SRC: variants seen among roughly 807,000 people sequenced by gnomAD.
SRC encodes SRC proto-oncogene, non-receptor tyrosine kinase.
SRC carries 13 observed loss-of-function variants against 62.9 expected under a neutral mutation model. The ratio of observed to expected loss-of-function variants is 0.21; its 90% confidence interval spans 0.13 to 0.33. The LOEUF (loss-of-function observed/expected upper bound fraction) is 0.33. Ranked by LOEUF, SRC falls within the 10% of genes least tolerant of loss-of-function variation. The pLI is 1.00. For missense variants in SRC, 457 were observed against 737.3 expected (o/e 0.62, Z 4.40); for synonymous variants, 302 against 317.5 (o/e 0.95, Z 0.52).
chr20:37,399,419 T>C (rs773346657), intron 9 of SRC, among the ~76,000 whole-genome samples: 3 of 152,158 alleles, frequency 2.0e-5, no homozygotes, highest in Non-Finnish European at 4.4e-5. Flanking sequence ...CAGTACACAT[T>C]GCATTTGCTA....
At chr20:37,358,944 C>T (rs2069925745) in intron 1 of SRC, among the ~76,000 whole-genome samples, 1 of 152,276 alleles carries the variant, frequency 6.6e-6, no homozygotes, top group Non-Finnish European at 1.5e-5. Context: ...GCTGCCCTGG[C>T]ACGCGCACGG....
Position 37,403,932 on chromosome 20 carries a change from C to T in SRC, c.*553C>T. The T allele has an allele frequency of 8.3e-6, 2 of 240,514 alleles. No homozygotes were observed. Among genetic ancestry groups the T allele is most frequent in the Non-Finnish European group, 1.6e-5 (2 of 121,444 alleles). 14.9% of individuals were successfully genotyped at this position (240,514 alleles called of 1,614,324 possible). On this transcript the variant is annotated 3_prime_UTR_variant, in exon 14 of 14. Coordinates refer to ENST00000373578, the MANE Select transcript of SRC (RefSeq NM_198291.3). This position sits in a 1 kb window ranked among gnomAD's most constrained non-coding sequence, Gnocchi z 7.1. ...TGCTTCCAGGCTGGGCAGCACAAGG[C>T]CTTGCCTGGCCTGATGATGGTGGGT...
chr20:37,377,419 G>C (rs571129301), intron 2 of SRC, among the ~76,000 whole-genome samples: 3 of 152,304 alleles, frequency 2.0e-5, no homozygotes, highest in Admixed American at 6.5e-5. Flanking sequence ...TAAGCTCCTG[G>C]CCTACTCTCC....
chr20:37,349,094 C>T (rs6017943), intron 1 of SRC, among the ~76,000 whole-genome samples: 37,891 of 152,038 alleles, frequency 0.25, 5,189 homozygotes, highest in Middle Eastern at 0.35. Context: ...GGGGGCTGAT[C>T]GGTGTCCCCT....
rs2070820015 is a variant in SRC, at chr20:37,405,839, A to T, written c.*2460A>T. The T allele has an allele frequency of 1.3e-5, 2 of 152,230 alleles. No homozygotes were observed. Among genetic ancestry groups the T allele is most frequent in the South Asian group, 4.1e-4 (2 of 4,832 alleles). The allele number at this position is 152,230 out of a possible 1,614,324, so 9.4% of individuals were successfully genotyped here. A position where few individuals can be genotyped will look rare whatever the true frequency, so the allele number is the denominator to read the frequency against. On this transcript the variant is annotated 3_prime_UTR_variant, in exon 14 of 14. Coordinates refer to ENST00000373578, the MANE Select transcript of SRC (RefSeq NM_198291.3). ...GGGCAGGGGTGCTGGGTCGATCCAC[A>T]AAAGTCCTGAAAACGCTGAAGAAAA...
At chr20:37,368,518 CTTTTTTTTTTTTTTTTTTTTTTTTTGTTT>C (rs2070104479) in intron 2 of SRC, among the ~76,000 whole-genome samples, 15 of 73,918 alleles carry the variant, frequency 2.0e-4, no homozygotes, top group East Asian at 9.4e-4. Flanking sequence ...CCTATATTTT[CTTTTTTTTTTTTTTTTTTTTTTTTTGTTT>C]TTTTTTTTTT....
rs191582195 is a variant in SRC, at chr20:37,387,656, G to C, written c.350+1482G>C. On this transcript the variant is annotated intron_variant, in intron 5 of 13. Coordinates refer to ENST00000373578, the MANE Select transcript of SRC (RefSeq NM_198291.3). Reference sequence around the variant, plus strand: ...TTATTGTCACCAGCTGTTTGTGTCTGCTTCCCCCCTAAACTGGGAGCTGCT... The same window carrying C: ...TTATTGTCACCAGCTGTTTGTGTCTCCTTCCCCCCTAAACTGGGAGCTGCT... Among the ~76,000 whole-genome samples, 10 of 152,312 alleles carry C rather than the reference G, an allele frequency of 6.6e-5. 2 individuals are homozygous for C. The highest frequency in any genetic ancestry group is 2.4e-4 in the African/African-American group (10 of 41,554).
At chr20:37,390,046 A>G (rs2070521045) in intron 5 of SRC, among the ~76,000 whole-genome samples, 1 of 152,138 alleles carries the variant, frequency 6.6e-6, no homozygotes, top group Non-Finnish European at 1.5e-5. Context: ...GGGGATTGAT[A>G]TCTCCATTTC....
chr20:37,357,149 G>C (rs886909946), intron 1 of SRC, among the ~76,000 whole-genome samples: 2 of 152,218 alleles, frequency 1.3e-5, no homozygotes, highest in East Asian at 1.9e-4. Flanking sequence ...TGTGGAGGGC[G>C]GATGGAGCTT....
chr20:37,400,146 C>T lies in SRC; in HGVS notation c.891C>T (p.Ile297=). Residue 297 remains isoleucine, a synonymous_variant, in exon 10 of 14, where the codon ATC becomes ATT. Coordinates refer to ENST00000373578, the MANE Select transcript of SRC (RefSeq NM_198291.3). ...GGAACGGTACCACCAGGGTGGCCATCAAAACCCTGAAGCCTGGCACGATGT... is the reference window on the plus strand; with the variant it reads ...GGAACGGTACCACCAGGGTGGCCATTAAAACCCTGAAGCCTGGCACGATGT... ...GTWNGTTRVA[I]KTLKPGTMSP... is the part of the protein sequence containing the mutation. The T allele has an allele frequency of 6.2e-7, 1 of 1,612,548 alleles. No homozygotes were observed. Among genetic ancestry groups the T allele is most frequent in the Non-Finnish European group, 8.5e-7 (1 of 1,179,420 alleles).
At chr20:37,373,264 ATACG>A (rs1215273100) in intron 2 of SRC, among the ~76,000 whole-genome samples, 3 of 122,286 alleles carry the variant, frequency 2.5e-5, no homozygotes, top group Admixed American at 1.7e-4. Context: ...ACACATGTAC[ATACG>A]CACACACACA....
At chr20:37,356,438 G>A (rs554807170) in intron 1 of SRC, among the ~76,000 whole-genome samples, 1 of 152,284 alleles carries the variant, frequency 6.6e-6, no homozygotes, top group Non-Finnish European at 1.5e-5. Context: ...GGCCCTGGTG[G>A]CCGCACTGAG....
intron 5 of SRC, among the ~76,000 whole-genome samples, chr20:37,390,852 G>A (rs2070536127): frequency 6.6e-6 from 1 of 152,214 alleles, no homozygotes; most frequent in Non-Finnish European, 1.5e-5. Flanking sequence ...CAGCACTGGA[G>A]CCCATTCCCT....
chr20:37,399,491 G>A (rs975347608), intron 9 of SRC, among the ~76,000 whole-genome samples: 13 of 151,980 alleles, frequency 8.6e-5, no homozygotes, highest in African/African-American at 2.2e-4. Flanking sequence ...AAGTGACACC[G>A]GTTGAGTTGG....
In SRC at chr20:37,404,733, T is replaced by C. The variant is rs1470095972; in HGVS notation, c.*1354T>C. 4.3e-6 allele frequency: 1 copy of C among 233,072 alleles called. No individual in the cohort carries two copies. The highest frequency in any genetic ancestry group is 2.2e-5 in the African/African-American group (1 of 45,320). The allele number at this position is 233,072 out of a possible 1,614,324, so 14.4% of individuals were successfully genotyped here. ...TCCAGGCCCTGTGGCAGGACACACA[T>C]GGTGAGCCTAGCCCTGGGACATCAG... On this transcript the variant is annotated 3_prime_UTR_variant, in exon 14 of 14. Transcript: ENST00000373578.
intron 2 of SRC, among the ~76,000 whole-genome samples, chr20:37,370,331 T>C (rs1393510927): frequency 6.6e-6 from 1 of 152,220 alleles, no homozygotes; most frequent in Non-Finnish European, 1.5e-5. Flanking sequence ...TCCCAGCACT[T>C]TGGGAGACCA....
At chr20:37,373,810 T>C (rs1004305014) in intron 2 of SRC, among the ~76,000 whole-genome samples, 6 of 152,186 alleles carry the variant, frequency 3.9e-5, no homozygotes, top group African/African-American at 7.2e-5. Context: ...TAAATTCCCA[T>C]ATGTTTCAGG....
At chr20:37,350,515 G>T (rs960353008) in intron 1 of SRC, among the ~76,000 whole-genome samples, 1 of 152,132 alleles carries the variant, frequency 6.6e-6, no homozygotes, top group African/African-American at 2.4e-5. Context: ...CGCTGTTCCT[G>T]GGGGAGGGAG....
Position 37,391,182 on chromosome 20 carries a change from C to T in SRC, c.351-2713C>T, listed in dbSNP as rs369588385. Among the ~76,000 whole-genome samples the T allele has an allele frequency of 3.3e-4, 50 of 152,354 alleles. No homozygotes were observed. The South Asian group carries it at 3.5e-3, about 11-fold the overall frequency. On this transcript the variant is annotated intron_variant, in intron 5 of 13. Coordinates refer to ENST00000373578, the MANE Select transcript of SRC (RefSeq NM_198291.3). ...GCCTGCGGACTGCAGCTTTGTCAAA[C>T]GGCCTCAATTTTTAGCGTCTGGTCT... is the stretch of plus-strand genomic sequence containing the variant.
Sources: gnomAD v4.1 joint callset for allele counts (sites outside exome capture counted in the v4.1 genomes callset) on GRCh38, gnomAD v4.1.1 for gene constraint, Gnocchi (gnomAD v3.1) non-coding constraint, MANE v1.5 for transcripts, NCBI Gene and HGNC (gene_info 2026-07-23, HGNC 2026-07-21) for gene names.